AOPEP: variants seen among roughly 807,000 people sequenced by gnomAD.
AOPEP encodes the protein aminopeptidase O (putative), also known as aminopeptidase O.
A neutral mutation model predicts 98.1 loss-of-function variants in AOPEP; 77 were observed. The ratio of observed to expected loss-of-function variants is 0.78; its 90% CI spans 0.65 to 0.95. The LOEUF is 0.95. Ranked by LOEUF, AOPEP falls within the 40% of genes least tolerant of loss-of-function variation. The probability of loss-of-function intolerance (pLI) is 0.00; values close to 1 mark genes in which losing one functional copy is unlikely to be tolerated. For synonymous variants in AOPEP, 346 were observed against 365.3 expected (o/e 0.95, Z 0.60); for missense variants, 1,024 against 1,024.7 (o/e 1.00, Z 0.01).
At chr9:95,063,694 C>T (rs1210315058) in intron 14 of AOPEP, among the ~76,000 whole-genome samples, 4 of 152,194 alleles carry the variant, frequency 2.6e-5, no homozygotes, top group Admixed American at 1.3e-4. Flanking sequence ...CTTCCCTTCA[C>T]TGTGTGGGGG....
intron 14 of AOPEP, among the ~76,000 whole-genome samples, chr9:95,070,360 C>A (rs994372142): frequency 6.6e-6 from 1 of 152,180 alleles, no homozygotes; most frequent in South Asian, 2.1e-4. Flanking sequence ...TAAAATGGAA[C>A]TCTAAATGAG....
intron 11 of AOPEP, among the ~76,000 whole-genome samples, chr9:94,981,306 T>C (rs1589154733): frequency 6.6e-6 from 1 of 152,184 alleles, no homozygotes; most frequent in Non-Finnish European, 1.5e-5. Flanking sequence ...AAGGTCTAGT[T>C]GCATTAGTGA....
chr9:94,766,128 G>A (rs889650020), intron 2 of AOPEP, among the ~76,000 whole-genome samples: 1 of 152,186 alleles, frequency 6.6e-6, no homozygotes, highest in African/African-American at 2.4e-5. Flanking sequence ...TAGATCTTTG[G>A]TATACGTAAG....
At chr9:94,957,429 A>T (rs899697935) in intron 9 of AOPEP, among the ~76,000 whole-genome samples, 12 of 152,090 alleles carry the variant, frequency 7.9e-5, no homozygotes, top group Non-Finnish European at 4.4e-5. Context: ...GCTGGTCTTG[A>T]ACTTCTGACT....
rs780441873 is a variant in AOPEP, at chr9:94,760,557, A to C, written c.774A>C (p.Thr258=). ...CTAAACCTGAAGGGCGATCGGTTAC[A>C]TGGACCTCAGACCAGAGTGGCAGGT... ...YKTKPEGRSV[T]WTSDQSGRPC... is the part of the protein sequence containing the mutation. The change falls in exon 2 of 17, where the codon ACA becomes ACC. Residue 258 remains threonine (T), a synonymous_variant. Transcript: ENST00000375315. 8 of 1,552,904 alleles carry C rather than the reference A, an allele frequency of 5.2e-6. No homozygotes were observed. The Admixed American group carries it at 1.6e-4, about 31-fold the overall frequency.
At chr9:95,095,038 T>A in the AOPEP span, among the ~76,000 whole-genome samples, 5 of 152,264 alleles carry the variant, frequency 3.3e-5, no homozygotes, top group Non-Finnish European at 5.9e-5. Context: ...GCCTCTTGGC[T>A]GTCCAGGAGA....
intron 1 of AOPEP, among the ~76,000 whole-genome samples, chr9:94,754,791 C>T (rs888387687): frequency 6.6e-6 from 1 of 152,152 alleles, no homozygotes; most frequent in East Asian, 1.9e-4. Flanking sequence ...AAGTTAGAAT[C>T]GTGAGGATAC....
chr9:94,764,860 T>A (rs1181961570), intron 2 of AOPEP, among the ~76,000 whole-genome samples: 5 of 152,072 alleles, frequency 3.3e-5, no homozygotes, highest in Non-Finnish European at 5.9e-5. Flanking sequence ...TTGTGATTTT[T>A]ATTTTTAGTT....
At chr9:94,898,648 G>GAAAAAAAA (rs71366269) in intron 5 of AOPEP, among the ~76,000 whole-genome samples, 1 of 134,904 alleles carries the variant, frequency 7.4e-6, no homozygotes, top group Non-Finnish European at 1.6e-5. Context: ...AAAATAAAAT[G>GAAAAAAAA]AAAAAAAAAA....
At chr9:94,807,270 A>T (rs767236736) in intron 5 of AOPEP, among the ~76,000 whole-genome samples, 2 of 152,220 alleles carry the variant, frequency 1.3e-5, no homozygotes, top group Non-Finnish European at 2.9e-5. Flanking sequence ...TGTCAGATCG[A>T]GAAGTAGCAT....
At chr9:95,150,003 A>T in the AOPEP span, 1 of 1,613,958 alleles carries the variant, frequency 6.2e-7, no homozygotes, top group Non-Finnish European at 8.5e-7. Flanking sequence ...AGATGAGGAG[A>T]GCCTCCACCA....
intron 13 of AOPEP, among the ~76,000 whole-genome samples, chr9:95,059,226 T>C (rs182468119): frequency 1.3e-5 from 2 of 152,344 alleles, no homozygotes; most frequent in Admixed American, 1.3e-4. Flanking sequence ...CAGTGCTGAT[T>C]GTACTGCAGT....
intron 7 of AOPEP, among the ~76,000 whole-genome samples, chr9:94,934,083 G>C (rs573534293): frequency 6.6e-5 from 10 of 152,152 alleles, no homozygotes; most frequent in African/African-American, 1.7e-4. Context: ...AAGCTTACAG[G>C]CTTCAAGGAA....
chr9:94,801,920 A>G (rs1025537727), intron 5 of AOPEP, among the ~76,000 whole-genome samples: 1 of 152,208 alleles, frequency 6.6e-6, no homozygotes, highest in Non-Finnish European at 1.5e-5. Flanking sequence ...AACTGCACAC[A>G]TTCTTAGTAA....
chr9:94,899,599 A>G (rs1318923542), intron 5 of AOPEP, among the ~76,000 whole-genome samples: 2 of 151,588 alleles, frequency 1.3e-5, no homozygotes, highest in African/African-American at 2.4e-5. Context: ...AAAATTTACA[A>G]ATTAGCCAGA....
chr9:94,973,953 A>T (rs1398692273), intron 10 of AOPEP, among the ~76,000 whole-genome samples: 1 of 152,200 alleles, frequency 6.6e-6, no homozygotes, highest in Non-Finnish European at 1.5e-5. Flanking sequence ...CTTTTAGTTT[A>T]ACCACTGTAT....
chr9:94,786,796 T>A (rs1250714011), intron 3 of AOPEP, among the ~76,000 whole-genome samples: 5 of 152,208 alleles, frequency 3.3e-5, no homozygotes, highest in Non-Finnish European at 5.9e-5. Context: ...AGGGCCAGAC[T>A]CTAGTGAGAA....
At chr9:94,899,792 A>T (rs1181909856) in intron 5 of AOPEP, among the ~76,000 whole-genome samples, 1 of 152,050 alleles carries the variant, frequency 6.6e-6, no homozygotes, top group African/African-American at 2.4e-5. Context: ...TCTCAGAACA[A>T]AGAAATTGGA....
At chr9:94,773,222 G>A in intron 3 of AOPEP, 54 bp downstream of exon 3, 1 of 1,471,652 alleles carries the variant, frequency 6.8e-7, no homozygotes, top group Non-Finnish European at 9.3e-7. Context: ...GTGGACCCAG[G>A]AACCCAATAA....
Sources: gnomAD v4.1 joint callset for allele counts (sites outside exome capture counted in the v4.1 genomes callset) on GRCh38, gnomAD v4.1.1 for gene constraint, MANE v1.5 for transcripts, NCBI Gene and HGNC (gene_info 2026-07-23, HGNC 2026-07-21) for gene names.